ARHGAP29: variants seen among roughly 807,000 people sequenced by gnomAD.
ARHGAP29 encodes Rho GTPase activating protein 29.
A neutral mutation model predicts 122.6 loss-of-function variants in ARHGAP29; 43 were observed. The observed-to-expected ratio is 0.35, with a 90% CI of 0.27 to 0.45. The LOEUF is 0.45. Among genes scored for constraint, ARHGAP29 ranks in the 20% least tolerant of loss-of-function variants. The probability of loss-of-function intolerance (pLI) is 1.00; values close to 1 mark genes in which losing one functional copy is unlikely to be tolerated. For synonymous variants in ARHGAP29, 506 were observed against 497.1 expected, an observed-to-expected ratio of 1.02 and a Z score of -0.24; for missense variants, 1,303 against 1,477.2, an observed-to-expected ratio of 0.88 and a Z score of 1.93.
At chr1:94,289,693 C>A in the ARHGAP29 span, among the ~76,000 whole-genome samples, 3 of 152,140 alleles carry the variant, frequency 2.0e-5, no homozygotes, top group African/African-American at 7.2e-5. Flanking sequence ...TGAGAGTTTT[C>A]AGCATGAAAG....
intron 1 of ARHGAP29, among the ~76,000 whole-genome samples, chr1:94,234,743 CT>C (rs1036524264): frequency 2.6e-5 from 4 of 152,146 alleles, no homozygotes; most frequent in African/African-American, 9.7e-5. Flanking sequence ...TTGGGCAGCT[CT>C]TTTACAAATC....
the ARHGAP29 span, among the ~76,000 whole-genome samples, chr1:94,280,263 C>T: frequency 6.6e-6 from 1 of 151,978 alleles, no homozygotes; most frequent in Non-Finnish European, 1.5e-5. Context: ...ATCTTCCTCT[C>T]CAGGTTCCTT....
chr1:94,174,339 C>A lies in ARHGAP29; in HGVS notation c.3316G>T (p.Gly1106Ter). 6.2e-7 allele frequency: 1 copy of A among 1,614,142 alleles called. No homozygotes were observed. The highest frequency in any genetic ancestry group is 8.5e-7 in the Non-Finnish European group (1 of 1,180,032). The part of the protein sequence containing the change: ...MIMPSALQEK[G>*]VTTSLQISGD... ...CTAATCTGGAGGCTTGTTGTCACTC[C>A]TTTTTCCTGGAGTGCACTGGGCATG... The change falls in exon 23 of 23, where the codon GGA becomes TGA. Residue 1106 changes from glycine to a stop codon, truncating the protein, a stop_gained. Coordinates refer to ENST00000260526, the MANE Select transcript of ARHGAP29 (RefSeq NM_004815.4). LOFTEE classifies it low-confidence loss of function (END_TRUNC).
chr1:94,286,921 C>T, the ARHGAP29 span, among the ~76,000 whole-genome samples: 2 of 152,096 alleles, frequency 1.3e-5, no homozygotes, highest in Admixed American at 6.5e-5. Context: ...GGGTGTCCTC[C>T]AATTCAATTC....
chr1:94,240,147 C>T (rs541216521), upstream of ARHGAP29, among the ~76,000 whole-genome samples: 12 of 152,238 alleles, frequency 7.9e-5, no homozygotes, highest in South Asian at 2.5e-3. Flanking sequence ...CTAAACCATC[C>T]CAAAACAACC....
the ARHGAP29 span, among the ~76,000 whole-genome samples, chr1:94,312,425 C>G: frequency 4.1e-5 from 6 of 146,064 alleles, no homozygotes; most frequent in African/African-American, 1.6e-4. Context: ...AGAGATGTCC[C>G]CCCTCCTTCT....
intron 17 of ARHGAP29, 62 bp downstream of exon 17, chr1:94,185,280 A>T: frequency 6.7e-7 from 1 of 1,490,810 alleles, no homozygotes; most frequent in Non-Finnish European, 8.9e-7. Flanking sequence ...AGTAAAATTA[A>T]AAACAAAAAA....
chr1:94,279,750 T>C (rs1655291614), upstream of ARHGAP29, among the ~76,000 whole-genome samples: 1 of 152,228 alleles, frequency 6.6e-6, no homozygotes. Context: ...CCATTCCCAC[T>C]CCAGTGCCCT....
chr1:94,246,516 C>A (rs1653802961), intron 1 of ARHGAP29, among the ~76,000 whole-genome samples: 2 of 152,070 alleles, frequency 1.3e-5, no homozygotes, highest in East Asian at 3.9e-4. Context: ...CCCCGCCAAC[C>A]CCTCCATCCC....
upstream of ARHGAP29, chr1:94,237,707 C>A (rs1653388275): frequency 2.0e-6 from 2 of 985,342 alleles, no homozygotes; most frequent in Non-Finnish European, 2.4e-6. Flanking sequence ...GCGGCAGGTA[C>A]GGGAGGCAAC....
intron 1 of ARHGAP29, among the ~76,000 whole-genome samples, chr1:94,267,393 C>A (rs528855482): frequency 2.6e-5 from 4 of 152,252 alleles, no homozygotes; most frequent in African/African-American, 9.6e-5. Flanking sequence ...GTACTGGGAT[C>A]AGGTAAAAGT....
intron 18 of ARHGAP29, 50 bp from the exon 19 acceptor site, chr1:94,184,338 G>A (rs1649660641): frequency 1.5e-6 from 2 of 1,370,520 alleles, no homozygotes. Flanking sequence ...TAGTACAAAT[G>A]GCTAAATGCA....
At chr1:94,283,831 T>C in the ARHGAP29 span, among the ~76,000 whole-genome samples, 35 of 152,208 alleles carry the variant, frequency 2.3e-4, no homozygotes, top group African/African-American at 8.4e-4. Flanking sequence ...GTGGATACTA[T>C]CAAATGATAG....
chr1:94,184,787 A>G, intron 18 of ARHGAP29, 85 bp downstream of exon 18: 1 of 1,152,578 alleles, frequency 8.7e-7, no homozygotes, highest in South Asian at 1.7e-5. Flanking sequence ...ACCCCTGAGC[A>G]TTATTTTCCT....
chr1:94,229,263 A>G (rs990962589), intron 2 of ARHGAP29, among the ~76,000 whole-genome samples: 2 of 151,826 alleles, frequency 1.3e-5, no homozygotes, highest in African/African-American at 4.8e-5. Context: ...AAATAGTTAG[A>G]GCATTTTAAA....
chr1:94,187,180 T>G lies in ARHGAP29; in HGVS notation c.1682-583A>C, dbSNP rs546112469. On this transcript the variant is annotated intron_variant, in intron 15 of 22. Transcript: ENST00000260526. ...GCTATGTCAGCAAAGGACACTGCCA[T>G]ATGTATCAAAGCATGTTTGGAAGCA... Among the ~76,000 whole-genome samples, 9 of 152,274 alleles carry G rather than the reference T, an allele frequency of 5.9e-5. No homozygotes were observed. In the South Asian group the frequency reaches 1.9e-3, roughly 32 times the overall value.
chr1:94,173,129 G>A lies in ARHGAP29; in HGVS notation c.*740C>T, dbSNP rs774632980. 24 of 152,452 alleles carry A rather than the reference G, an allele frequency of 1.6e-4. No homozygotes were observed. The highest frequency in any genetic ancestry group is 2.6e-4 in the Non-Finnish European group (18 of 67,988). The allele number at this position is 152,452 out of a possible 1,614,324, so 9.4% of individuals were successfully genotyped here. A position where few individuals can be genotyped will look rare whatever the true frequency, so the allele number is the denominator to read the frequency against. On this transcript the variant is annotated 3_prime_UTR_variant, in exon 23 of 23. Transcript: ENST00000260526. ...AGTTTATATAAAATAAAGCCAAGGG[G>A]TGAAAAACTATCAAATGTATTAAAA...
chr1:94,250,222 C>A (rs965616073), intron 1 of ARHGAP29, among the ~76,000 whole-genome samples: 20 of 152,256 alleles, frequency 1.3e-4, no homozygotes, highest in African/African-American at 3.6e-4. Flanking sequence ...TCCCCTCTGC[C>A]ACACTTCAAC....
At chr1:94,197,007 T>G (rs142386736) in intron 12 of ARHGAP29, among the ~76,000 whole-genome samples, 1 of 151,904 alleles carries the variant, frequency 6.6e-6, no homozygotes, top group Non-Finnish European at 1.5e-5. Flanking sequence ...CCAAAGAAAG[T>G]AGAAATAAGA....
Sources: allele counts gnomAD v4.1 joint callset (sites outside exome capture counted in the v4.1 genomes callset), GRCh38; gene constraint gnomAD v4.1.1; transcripts MANE v1.5; gene names NCBI Gene and HGNC (gene_info 2026-07-23, HGNC 2026-07-21).